Variants in PNPLA4 observed in about 807,000 individuals in gnomAD.
PNPLA4 encodes the protein patatin-like phospholipase domain-containing protein 4.
In PNPLA4, 15 loss-of-function variants were observed where a neutral mutation model predicts 18.3. The ratio of observed to expected loss-of-function variants is 0.82; its 90% CI spans 0.55 to 1.26. The LOEUF (loss-of-function observed/expected upper bound fraction) is 1.26, where lower values mean the gene tolerates loss of function less well. Ranked by LOEUF, PNPLA4 falls within the 50% of genes most tolerant of loss-of-function variation. The pLI is 0.00. For missense variants in PNPLA4, 229 were observed against 196.8 expected (o/e 1.16, Z -0.98); for synonymous variants, 88 against 85.6 (o/e 1.03, Z -0.16).
At chrX:7,920,071 T>C (rs1031406198) in intron 4 of PNPLA4, among the ~76,000 whole-genome samples, 5 of 111,064 alleles carry the variant, frequency 4.5e-5, no homozygotes, top group Non-Finnish European at 9.4e-5. Flanking sequence ...GGATGGACAA[T>C]GAAAGCTGAA....
chrX:7,921,724 C>T lies in PNPLA4; in HGVS notation c.400G>A (p.Asp134Asn). Residue 134 changes from aspartate (D) to asparagine (N), a missense_variant, in exon 4 of 7, where the codon GAC becomes AAC. Transcript: ENST00000381042. ...HLVSTFSSRE[D>N]LIKVLLASSF... Reference sequence around the variant, plus strand: ...CATGGCTTTGTTACCTTAATGAGGTCCTCCCTGGAGGAAAAAGTGGAGACT... The same window carrying T: ...CATGGCTTTGTTACCTTAATGAGGTTCTCCCTGGAGGAAAAAGTGGAGACT... The T allele has an allele frequency of 8.3e-7, 1 of 1,209,393 alleles. No homozygotes were observed. The highest frequency in any genetic ancestry group is 1.8e-5 in the South Asian group (1 of 56,909).
intron 4 of PNPLA4, among the ~76,000 whole-genome samples, chrX:7,920,956 T>A (rs1924196462): frequency 8.9e-6 from 1 of 112,562 alleles, no homozygotes; most frequent in Non-Finnish European, 1.9e-5. Context: ...ATAAAATCTT[T>A]CCATTCACTT....
chrX:7,915,299 G>T (rs745624629), intron 4 of PNPLA4, among the ~76,000 whole-genome samples: 1 of 64,029 alleles, frequency 1.6e-5, no homozygotes, highest in South Asian at 1.3e-3. Flanking sequence ...ATAACCTGGG[G>T]TGGAGGGTGG....
chrX:7,900,893 G>T, intron 6 of PNPLA4, 76 bp from the exon 7 acceptor site: 1 of 825,888 alleles, frequency 1.2e-6, no homozygotes, highest in Non-Finnish European at 1.7e-6. Flanking sequence ...TATAATCTAG[G>T]TTTTCTTATC....
intron 4 of PNPLA4, among the ~76,000 whole-genome samples, chrX:7,914,574 T>C (rs751755312): frequency 8.9e-6 from 1 of 112,383 alleles, no homozygotes; most frequent in Admixed American, 9.4e-5. Flanking sequence ...AATGCAACAC[T>C]GCAAAGCAAT....
At chrX:7,916,469 T>C (rs1403405918) in intron 4 of PNPLA4, among the ~76,000 whole-genome samples, 2 of 111,460 alleles carry the variant, frequency 1.8e-5, no homozygotes, top group Non-Finnish European at 3.8e-5. Context: ...AAGGGATGGA[T>C]GTCTGGAGAG....
chrX:7,923,854 T>C (rs1394534106), intron 2 of PNPLA4, among the ~76,000 whole-genome samples: 2 of 110,601 alleles, frequency 1.8e-5, no homozygotes, highest in African/African-American at 6.6e-5. Context: ...CCGGGGGTAA[T>C]GAGGTGATCA....
At chrX:7,908,625 T>G (rs188739468) in intron 5 of PNPLA4, among the ~76,000 whole-genome samples, 2 of 112,120 alleles carry the variant, frequency 1.8e-5, no homozygotes. Context: ...TCTGGTGTTA[T>G]AAACAATGCA....
chrX:7,925,455 G>A (rs746447136), intron 2 of PNPLA4, among the ~76,000 whole-genome samples: 15 of 112,026 alleles, frequency 1.3e-4, no homozygotes, highest in Non-Finnish European at 2.6e-4. Flanking sequence ...AAATTGCTTG[G>A]AACTCAGAGC....
At chrX:7,918,924 G>A (rs1446437661) in intron 4 of PNPLA4, among the ~76,000 whole-genome samples, 1 of 111,954 alleles carries the variant, frequency 8.9e-6, no homozygotes. Flanking sequence ...CCAGGCATAG[G>A]TTTCACAGTT....
At chrX:7,901,744 G>A (rs1312014630) in intron 6 of PNPLA4, among the ~76,000 whole-genome samples, 1 of 111,854 alleles carries the variant, frequency 8.9e-6, no homozygotes, top group Non-Finnish European at 1.9e-5. Flanking sequence ...AGAATCACTT[G>A]AGCCAGGGAG....
chrX:7,918,086 T>C (rs1924099908), intron 4 of PNPLA4, among the ~76,000 whole-genome samples: 2 of 112,220 alleles, frequency 1.8e-5, no homozygotes, highest in Non-Finnish European at 3.8e-5. Flanking sequence ...TCTCCCATGC[T>C]CTTTTACTCT....
At chrX:7,909,376 G>T (rs1012233778) in intron 5 of PNPLA4, among the ~76,000 whole-genome samples, 1 of 110,665 alleles carries the variant, frequency 9.0e-6, no homozygotes, top group African/African-American at 3.3e-5. Flanking sequence ...CGGCTAACAC[G>T]GTGAAACCCC....
Position 7,900,744 on chromosome X carries a change from TAC to T in PNPLA4, c.702_703del (p.Tyr235SerfsTer5), listed in dbSNP as rs1370199071. 8.4e-7 allele frequency: 1 copy of T among 1,196,529 alleles called. No individual in the cohort carries two copies. Among genetic ancestry groups the T allele is most frequent in the African/African-American group, 1.7e-5 (1 of 57,582 alleles). ...AACAGTGTCATCAAAACCACACTGA[TAC>T]AAAGATTCCATTTTCCTCTTGCTTG... On this transcript the variant is annotated frameshift_variant, in exon 7 of 7. Transcript: ENST00000381042.
intron 2 of PNPLA4, among the ~76,000 whole-genome samples, chrX:7,925,353 G>C (rs1378537388): frequency 8.9e-6 from 1 of 112,401 alleles, no homozygotes; most frequent in Non-Finnish European, 1.9e-5. Flanking sequence ...GCAAATGATT[G>C]ATCACTGTCT....
intron 1 of PNPLA4, 143 bp downstream of exon 1, chrX:7,927,143 G>A (rs1924448177): frequency 8.8e-6 from 1 of 113,384 alleles, no homozygotes; most frequent in African/African-American, 3.2e-5. Flanking sequence ...ACGGGAAGGG[G>A]GTTGGGTGTG....
In PNPLA4 at chrX:7,902,679, C is replaced by G. The variant is rs140854380; in HGVS notation, c.478-538G>C. The stretch of plus-strand genomic sequence containing the variant: ...CAAAGCACACATTCCTCAGTAGGCA[C>G]TCAGTGCTCTCAAGCCCACCGCAAA... On this transcript the variant is annotated intron_variant, in intron 5 of 6. Coordinates refer to ENST00000381042, the MANE Select transcript of PNPLA4 (RefSeq NM_004650.3). 3.4e-3 allele frequency among the ~76,000 whole-genome samples: 379 copies of G among 111,886 alleles called. 4 individuals are homozygous for G. Among genetic ancestry groups the G allele is most frequent in the African/African-American group, 0.012 (356 of 30,787 alleles).
In PNPLA4 at chrX:7,918,593, TG is replaced by T. The variant is rs1262126079; in HGVS notation, c.411+3119del. Among the ~76,000 whole-genome samples, 7 of 111,085 alleles carry T rather than the reference TG, an allele frequency of 6.3e-5. No individual in the cohort carries two copies. In the East Asian group the frequency reaches 2.0e-3, roughly 32 times the overall value. ...GTTCAGAGCGAGGTGTGCCAAGCCC[TG>T]GGAGACCCACAGCTACCCATCATCG... On this transcript the variant is annotated intron_variant, in intron 4 of 6. Transcript: ENST00000381042.
At chrX:7,907,341 T>C (rs762241227) in intron 5 of PNPLA4, among the ~76,000 whole-genome samples, 1 of 112,616 alleles carries the variant, frequency 8.9e-6, no homozygotes, top group South Asian at 3.6e-4. Flanking sequence ...TTTCTTCTGA[T>C]CTGCATGTGC....
Sources: allele counts gnomAD v4.1 joint callset (sites outside exome capture counted in the v4.1 genomes callset), GRCh38; gene constraint gnomAD v4.1.1; transcripts MANE v1.5; gene names NCBI Gene and HGNC (gene_info 2026-07-23, HGNC 2026-07-21).